The following PNLIP variants were observed in gnomAD, a reference collection of about 807,000 sequenced individuals.
The protein encoded by PNLIP is pancreatic triacylglycerol lipase.
Under a neutral mutation model 57.1 loss-of-function variants are expected in PNLIP, and 49 were observed. The ratio of observed to expected loss-of-function variants is 0.86; its 90% CI spans 0.68 to 1.09. The LOEUF (loss-of-function observed/expected upper bound fraction) is 1.09, where lower values mean the gene tolerates loss of function less well. PNLIP is among the 50% of genes least tolerant of loss of function. The pLI, the probability that PNLIP is intolerant of heterozygous loss-of-function variation, is 0.00. For missense variants in PNLIP, 503 were observed against 570.2 expected (o/e 0.88, Z 1.20); for synonymous variants, 209 against 200.4 (o/e 1.04, Z -0.36).
chr10:116,563,234 A>C (rs1018291736), intron 12 of PNLIP, among the ~76,000 whole-genome samples: 14 of 152,216 alleles, frequency 9.2e-5, no homozygotes, highest in Admixed American at 9.2e-4. Flanking sequence ...GAATTTCTTT[A>C]GACTTTAGGA....
At chr10:116,560,589 G>A in intron 11 of PNLIP, 65 bp downstream of exon 11, 1 of 715,416 alleles carries the variant, frequency 1.4e-6, no homozygotes. Context: ...GTCTCGCTGT[G>A]TCGCCGGGGC....
At chr10:116,564,205 CATCT>C in intron 12 of PNLIP, among the ~76,000 whole-genome samples, 1 of 152,198 alleles carries the variant, frequency 6.6e-6, no homozygotes, top group South Asian at 2.1e-4. Context: ...ACAATATATC[CATCT>C]AATAAAACTT....
intron 12 of PNLIP, among the ~76,000 whole-genome samples, chr10:116,566,538 A>G (rs953968268): frequency 3.3e-5 from 5 of 152,256 alleles, no homozygotes; most frequent in African/African-American, 1.2e-4. Flanking sequence ...AAACGTATCA[A>G]TTTAAATATG....
Position 116,561,560 on chromosome 10 carries a change from T to C in PNLIP, c.1258T>C (p.Tyr420His), listed in dbSNP as rs1292733074. ...GDLQMVKFIW[Y>H]NNVINPTLPR... ...CTTGCAGATGGTTAAATTTATTTGG[T>C]ATAACAATGTGATCAACCCAACTTT... Residue 420 changes from tyrosine to histidine, a missense_variant, in exon 12 of 13, where the codon TAT (tyrosine) becomes CAT (histidine). By Grantham distance (83) the Tyr-to-His change is moderately conservative. Transcript: ENST00000369221. The C allele has an allele frequency of 6.2e-7, 1 of 1,613,756 alleles. No homozygotes were observed. Among genetic ancestry groups the C allele is most frequent in the Non-Finnish European group, 8.5e-7 (1 of 1,179,736 alleles).
intron 9 of PNLIP, among the ~76,000 whole-genome samples, chr10:116,556,715 A>C (rs1009565248): frequency 3.3e-5 from 5 of 151,276 alleles, no homozygotes; most frequent in Non-Finnish European, 5.9e-5. Flanking sequence ...CAAATATGAC[A>C]TATCTATTGT....
rs776261904 is a variant in PNLIP, at chr10:116,551,114, A to T, written c.341A>T (p.Glu114Val). 6.2e-7 allele frequency: 1 copy of T among 1,601,512 alleles called. No homozygotes were observed. The highest frequency in any genetic ancestry group is 1.3e-5 in the African/African-American group (1 of 74,548). Residue 114 changes from glutamate (E) to valine (V), a missense_variant, in exon 5 of 13, where the codon GAA (glutamate) becomes GTA (valine). By Grantham distance (121) the Glu-to-Val change is moderately radical (BLOSUM62 -2). Transcript: ENST00000369221. Reference sequence around the variant, plus strand: ...TTCCACCAGAATCTGTTCAAGGTGGAAAGTGTGAACTGTATCTGTGTGGAC... The same window carrying T: ...TTCCACCAGAATCTGTTCAAGGTGGTAAGTGTGAACTGTATCTGTGTGGAC... ...ANVCKNLFKV[E>V]SVNCICVDWK...
At chr10:116,549,653 A>G (rs905713613) in intron 4 of PNLIP, among the ~76,000 whole-genome samples, 1 of 152,156 alleles carries the variant, frequency 6.6e-6, no homozygotes, top group Non-Finnish European at 1.5e-5. Flanking sequence ...AAGCAGTAAA[A>G]CCACAACTTG....
chr10:116,554,098 T>C (rs1039390472), intron 6 of PNLIP, among the ~76,000 whole-genome samples: 6 of 152,212 alleles, frequency 3.9e-5, no homozygotes, highest in African/African-American at 1.4e-4. Context: ...GAAATCGCTG[T>C]TCTGAGGCTT....
At chr10:116,548,606 T>C (rs777926208) in intron 4 of PNLIP, 124 bp downstream of exon 4, 1 of 1,092,336 alleles carries the variant, frequency 9.2e-7, no homozygotes, top group African/African-American at 1.6e-5. Flanking sequence ...AGACCCCTGC[T>C]GGGCCTGGAG....
At chr10:116,555,796 C>T (rs1164865078) in intron 8 of PNLIP, among the ~76,000 whole-genome samples, 3 of 152,156 alleles carry the variant, frequency 2.0e-5, no homozygotes, top group East Asian at 3.8e-4. Flanking sequence ...CATTTAATTA[C>T]AGTATTACCT....
chr10:116,550,010 A>T (rs1481613109), intron 4 of PNLIP, among the ~76,000 whole-genome samples: 2 of 151,706 alleles, frequency 1.3e-5, no homozygotes, highest in Non-Finnish European at 2.9e-5. Context: ...AAAAATGGAA[A>T]AGTTGCAGAT....
rs147847744 is a variant in PNLIP, at chr10:116,564,264, C to T, written c.1334+2628C>T. ...ACACAAATAAAAAAATGTTGAAACCCAATTATAAAGACAAAATATTGAAAG... is the reference window on the plus strand; with the variant it reads ...ACACAAATAAAAAAATGTTGAAACCTAATTATAAAGACAAAATATTGAAAG... On this transcript the variant is annotated intron_variant, in intron 12 of 12. Transcript: ENST00000369221. Among the ~76,000 whole-genome samples, 8 of 152,068 alleles carry T rather than the reference C, an allele frequency of 5.3e-5. No homozygotes were observed. The East Asian group carries it at 1.5e-3, about 29-fold the overall frequency.
intron 3 of PNLIP, 26 bp from the exon 4 acceptor site, chr10:116,548,334 C>T: frequency 1.2e-6 from 2 of 1,611,728 alleles, no homozygotes; most frequent in Non-Finnish European, 1.7e-6. Context: ...AGGAAACTGA[C>T]ATGAAACACT....
At chr10:116,557,690 G>A (rs1847267441) in intron 9 of PNLIP, among the ~76,000 whole-genome samples, 1 of 152,106 alleles carries the variant, frequency 6.6e-6, no homozygotes, top group Non-Finnish European at 1.5e-5. Flanking sequence ...CATTGAGCCA[G>A]GAGTCCACCA....
At chr10:116,550,449 C>T (rs766637936) in intron 4 of PNLIP, among the ~76,000 whole-genome samples, 5 of 151,846 alleles carry the variant, frequency 3.3e-5, no homozygotes, top group Non-Finnish European at 7.4e-5. Context: ...TCCATGAAGC[C>T]CTAATTAAAT....
intron 5 of PNLIP, 68 bp from the exon 6 acceptor site, chr10:116,553,659 G>A (rs1050123250): frequency 4.6e-5 from 39 of 853,088 alleles, no homozygotes; most frequent in Admixed American, 1.1e-4. Flanking sequence ...TTCTTGTAAC[G>A]TATCCCTGTT....
At chr10:116,558,387 G>A (rs937875755) in intron 9 of PNLIP, among the ~76,000 whole-genome samples, 3 of 151,100 alleles carry the variant, frequency 2.0e-5, no homozygotes, top group African/African-American at 4.9e-5. Flanking sequence ...GTAGAGACGG[G>A]GTTTCACCAT....
chr10:116,560,038 A>G (rs992000728), intron 10 of PNLIP, among the ~76,000 whole-genome samples: 7 of 152,206 alleles, frequency 4.6e-5, no homozygotes, highest in Admixed American at 2.0e-4. Flanking sequence ...ATGAAAATAA[A>G]TTAAACTGAA....
chr10:116,548,118 G>T (rs960537927), intron 3 of PNLIP, among the ~76,000 whole-genome samples: 1 of 151,716 alleles, frequency 6.6e-6, no homozygotes, highest in Non-Finnish European at 1.5e-5. Context: ...ATGAAGAAAA[G>T]ATCATTACCA....
Sources: allele counts gnomAD v4.1 joint callset (sites outside exome capture counted in the v4.1 genomes callset), GRCh38; gene constraint gnomAD v4.1.1; transcripts MANE v1.5; gene names NCBI Gene and HGNC (gene_info 2026-07-23, HGNC 2026-07-21).